Variants in SLCO1A2 observed in about 807,000 individuals in gnomAD.
The protein encoded by SLCO1A2 is OATP-1.
SLCO1A2 carries 67 observed loss-of-function variants against 69.0 expected under a neutral mutation model. The ratio of observed to expected loss-of-function variants is 0.97; its 90% confidence interval spans 0.80 to 1.19. SLCO1A2 has a LOEUF of 1.19. SLCO1A2 is among the 50% of genes most tolerant of loss of function. SLCO1A2 has a pLI of 0.00. For synonymous variants in SLCO1A2, 260 were observed against 265.9 expected, an observed-to-expected ratio of 0.98 and a Z score of 0.22; for missense variants, 787 against 793.7, an observed-to-expected ratio of 0.99 and a Z score of 0.10.
chr12:21,296,462 T>G (rs1401710103), intron 9 of SLCO1A2, among the ~76,000 whole-genome samples: 4 of 152,084 alleles, frequency 2.6e-5, no homozygotes, highest in Non-Finnish European at 1.5e-5. Context: ...AGGCTGGTCT[T>G]GAACTCCTGG....
intron 10 of SLCO1A2, chr12:21,294,801 CAATTT>C (rs1947455676): frequency 1.3e-5 from 2 of 152,124 alleles, no homozygotes; most frequent in Admixed American, 1.3e-4. Context: ...CTCTGAATCT[CAATTT>C]AATCTGTAAA....
chr12:21,391,717 C>A (rs990359325), intron 1 of SLCO1A2, among the ~76,000 whole-genome samples: 15 of 151,512 alleles, frequency 9.9e-5, no homozygotes, highest in African/African-American at 3.6e-4. Context: ...ACAGGCTGCA[C>A]TACTTTCCGT....
At chr12:21,319,701 A>AAT (rs1255891055) in intron 2 of SLCO1A2, 5 of 313,670 alleles carry the variant, frequency 1.6e-5, no homozygotes, top group Non-Finnish European at 2.5e-5. Flanking sequence ...CTGCTTGCCT[A>AAT]ATATATATAC....
At position 21,334,769 on chromosome 12, in the gene SLCO1A2, T is replaced by G. The variant is rs914280970; in HGVS notation, c.-63+58A>C. On this transcript the variant is annotated intron_variant, in intron 1 of 14. Transcript: ENST00000683939. ...TACAAAATTGTAAAGCATCATTCTT[T>G]TGAAGTAAGTGCTGAAAATGAACAA... 3 of 722,314 alleles carry G rather than the reference T, an allele frequency of 4.2e-6. No individual in the cohort carries two copies. The Admixed American group carries it at 8.9e-5, about 21-fold the overall frequency. The allele number at this position is 722,314 out of a possible 1,614,324, so 44.7% of individuals were successfully genotyped here.
At chr12:21,275,564 AG>A in intron 12 of SLCO1A2, 140 bp from the exon 13 acceptor site, 1 of 871,228 alleles carries the variant, frequency 1.1e-6, no homozygotes, top group South Asian at 3.4e-5. Flanking sequence ...TTGGTTATTC[AG>A]GGCTTTATTA....
chr12:21,313,165 T>C (rs986383536), intron 4 of SLCO1A2, among the ~76,000 whole-genome samples: 1 of 152,172 alleles, frequency 6.6e-6, no homozygotes, highest in African/African-American at 2.4e-5. Flanking sequence ...GTAATATCAA[T>C]GATCACTAAT....
chr12:21,357,343 T>C (rs1938449679), intron 2 of SLCO1A2, among the ~76,000 whole-genome samples: 1 of 152,026 alleles, frequency 6.6e-6, no homozygotes, highest in Non-Finnish European at 1.5e-5. Context: ...AAAAATCAGG[T>C]GATGCTGCTT....
intron 2 of SLCO1A2, among the ~76,000 whole-genome samples, chr12:21,365,117 G>A (rs1474524954): frequency 6.6e-6 from 1 of 152,160 alleles, no homozygotes; most frequent in Admixed American, 6.5e-5. Context: ...GAACAAAGCT[G>A]GAGGCATCAC....
chr12:21,347,669 A>AAAGGAAGGAAGG (rs147886864), intron 2 of SLCO1A2, among the ~76,000 whole-genome samples: 8,876 of 113,424 alleles, frequency 0.078, 648 homozygotes, highest in East Asian at 0.32. Flanking sequence ...AGAAAGAAAG[A>AAAGGAAGGAAGG]AAGGAAGGAA....
chr12:21,310,305 T>C (rs1216568715), intron 4 of SLCO1A2, among the ~76,000 whole-genome samples: 3 of 152,260 alleles, frequency 2.0e-5, no homozygotes, highest in Non-Finnish European at 4.4e-5. Context: ...TTGCACTATA[T>C]TGTAGCCTAT....
At chr12:21,392,074 T>C (rs771087506) in intron 1 of SLCO1A2, among the ~76,000 whole-genome samples, 5 of 152,188 alleles carry the variant, frequency 3.3e-5, no homozygotes, top group Non-Finnish European at 5.9e-5. Flanking sequence ...AACTGACTCT[T>C]TCTCTTAAGG....
At chr12:21,386,770 G>A (rs1940902867) in intron 1 of SLCO1A2, among the ~76,000 whole-genome samples, 1 of 152,068 alleles carries the variant, frequency 6.6e-6, no homozygotes, top group Non-Finnish European at 1.5e-5. Context: ...ACCTAAAAAT[G>A]TGGAAGCAAC....
At chr12:21,305,276 T>G (rs1038713127) in intron 5 of SLCO1A2, among the ~76,000 whole-genome samples, 6 of 152,138 alleles carry the variant, frequency 3.9e-5, no homozygotes, top group Non-Finnish European at 7.4e-5. Context: ...CTCTGAAGGA[T>G]TCTGTAAATC....
chr12:21,279,208 T>C (rs1051598143), intron 12 of SLCO1A2, among the ~76,000 whole-genome samples: 1 of 152,142 alleles, frequency 6.6e-6, no homozygotes, highest in African/African-American at 2.4e-5. Flanking sequence ...ACCTACACGA[T>C]CTACAAAATA....
chr12:21,296,934 T>G (rs1194194750), intron 9 of SLCO1A2, among the ~76,000 whole-genome samples: 1 of 152,160 alleles, frequency 6.6e-6, no homozygotes, highest in Non-Finnish European at 1.5e-5. Context: ...CTGAGGTTAG[T>G]GTGGTTGCAG....
intron 1 of SLCO1A2, among the ~76,000 whole-genome samples, chr12:21,403,047 G>A (rs774422106): frequency 1.9e-4 from 29 of 152,114 alleles, no homozygotes; most frequent in Non-Finnish European, 4.1e-4. Flanking sequence ...GAATTTGAAC[G>A]ATGGTTGTGG....
chr12:21,356,533 A>C (rs1264936041), intron 2 of SLCO1A2, among the ~76,000 whole-genome samples: 1 of 128,396 alleles, frequency 7.8e-6, no homozygotes, highest in Non-Finnish European at 1.7e-5. Flanking sequence ...GAAAAAAATG[A>C]GTCATGATCA....
chr12:21,380,240 A>G (rs1199379273), intron 1 of SLCO1A2, among the ~76,000 whole-genome samples: 4 of 152,170 alleles, frequency 2.6e-5, no homozygotes, highest in Admixed American at 2.6e-4. Context: ...GTTATTTAAC[A>G]TTATAATTTA....
At chr12:21,376,976 G>A (rs868681180) in intron 1 of SLCO1A2, among the ~76,000 whole-genome samples, 64 of 152,104 alleles carry the variant, frequency 4.2e-4, no homozygotes, top group African/African-American at 1.4e-3. Flanking sequence ...ATCCATTTCC[G>A]ATATCGTTTT....
Sources: allele counts gnomAD v4.1 joint callset (sites outside exome capture counted in the v4.1 genomes callset), GRCh38; gene constraint gnomAD v4.1.1; transcripts MANE v1.5; gene names NCBI Gene and HGNC (gene_info 2026-07-23, HGNC 2026-07-21).